Variants in GRIA4 observed in about 807,000 individuals in gnomAD.
GRIA4 encodes the protein glutamate ionotropic receptor AMPA type subunit 4, also known as glutamate receptor 4.
In GRIA4, 34 loss-of-function variants were observed where a neutral mutation model predicts 104.0. The ratio of observed to expected loss-of-function variants is 0.33; its 90% CI spans 0.25 to 0.44. The LOEUF is 0.44. Ranked by LOEUF, GRIA4 falls within the 20% of genes least tolerant of loss-of-function variation. The pLI, the probability that GRIA4 is intolerant of heterozygous loss-of-function variation, is 1.00. For missense variants in GRIA4, 750 were observed against 1,096.5 expected, an observed-to-expected ratio of 0.68 and a Z score of 4.46; for synonymous variants, 386 against 381.9, an observed-to-expected ratio of 1.01 and a Z score of -0.13.
At chr11:105,754,614 T>C (rs540379273) in intron 4 of GRIA4, among the ~76,000 whole-genome samples, 1 of 152,318 alleles carries the variant, frequency 6.6e-6, no homozygotes, top group Admixed American at 6.5e-5. Context: ...CAATGGTTGA[T>C]ATAGCTTTAT....
At chr11:105,978,390 A>G (rs1297865822) in intron 16 of GRIA4, among the ~76,000 whole-genome samples, 1 of 152,154 alleles carries the variant, frequency 6.6e-6, no homozygotes, top group African/African-American at 2.4e-5. Context: ...ATAAGTATTA[A>G]TTTTTAAGAC....
intron 5 of GRIA4, among the ~76,000 whole-genome samples, chr11:105,883,775 C>A (rs1946153288): frequency 6.6e-6 from 1 of 152,076 alleles, no homozygotes; most frequent in Non-Finnish European, 1.5e-5. Flanking sequence ...GATTTATAAT[C>A]CTTTGGGTAT....
chr11:105,976,937 T>G (rs1342644297), intron 16 of GRIA4, among the ~76,000 whole-genome samples: 1 of 151,956 alleles, frequency 6.6e-6, no homozygotes, highest in Non-Finnish European at 1.5e-5. Flanking sequence ...AAGTCAAAGT[T>G]TTATTAAGTA....
intron 14 of GRIA4, among the ~76,000 whole-genome samples, chr11:105,940,315 T>C (rs367886986): frequency 6.6e-5 from 10 of 151,920 alleles, no homozygotes; most frequent in South Asian, 2.1e-4. Context: ...TGAGCCAAGA[T>C]TGCACCACTG....
rs139135168 is a variant in GRIA4, at chr11:105,851,392, C to T, written c.488-10632C>T. 6.4e-4 allele frequency among the ~76,000 whole-genome samples: 98 copies of T among 152,176 alleles called. 1 individual carries two copies. The highest frequency in any genetic ancestry group is 1.1e-3 in the Non-Finnish European group (72 of 68,016). ...ACATCCCTGAGGTTAGTGACAGGCACGCTGTATACTTAATACTTTCCAAAG... is the reference window on the plus strand; with the variant it reads ...ACATCCCTGAGGTTAGTGACAGGCATGCTGTATACTTAATACTTTCCAAAG... On this transcript the variant is annotated intron_variant, in intron 4 of 16. Transcript: ENST00000282499.
At chr11:105,918,985 T>C in intron 11 of GRIA4, 67 bp downstream of exon 11, 1 of 916,050 alleles carries the variant, frequency 1.1e-6, no homozygotes, top group African/African-American at 1.6e-5. Flanking sequence ...CTTGGGCACA[T>C]AACAATTTTT....
intron 13 of GRIA4, among the ~76,000 whole-genome samples, chr11:105,928,929 C>G (rs1485299411): frequency 6.6e-6 from 1 of 152,042 alleles, no homozygotes; most frequent in African/African-American, 2.4e-5. Context: ...TTATAGTCTT[C>G]CATACAAACT....
intron 13 of GRIA4, among the ~76,000 whole-genome samples, chr11:105,927,765 A>G (rs532338745): frequency 1.5e-4 from 22 of 149,774 alleles, no homozygotes; most frequent in African/African-American, 5.6e-4. Context: ...GTAATGTCTG[A>G]TAACAGATAG....
intron 3 of GRIA4, among the ~76,000 whole-genome samples, chr11:105,676,544 A>T (rs1488128394): frequency 1.3e-5 from 2 of 151,792 alleles, no homozygotes; most frequent in Non-Finnish European, 3.0e-5. Context: ...CACTATATCT[A>T]TAAGGTATGT....
chr11:105,793,133 C>T (rs1007122482), intron 4 of GRIA4, among the ~76,000 whole-genome samples: 1 of 152,082 alleles, frequency 6.6e-6, no homozygotes, highest in African/African-American at 2.4e-5. Flanking sequence ...TAGAGAACTA[C>T]CAAATGCTGA....
chr11:105,916,362 TGAA>T (rs893468096), intron 10 of GRIA4, among the ~76,000 whole-genome samples: 13 of 152,140 alleles, frequency 8.5e-5, no homozygotes, highest in African/African-American at 3.1e-4. Context: ...TGAAAAGACA[TGAA>T]GAACTTTACA....
At chr11:105,611,155 T>C (rs1361261218) in intron 2 of GRIA4, 70 bp downstream of exon 2, 15 of 1,085,376 alleles carry the variant, frequency 1.4e-5, no homozygotes, top group Middle Eastern at 2.2e-4. Context: ...GTTAAATGAG[T>C]TGCTGATAAG....
chr11:105,623,461 G>A (rs543510509), intron 3 of GRIA4, among the ~76,000 whole-genome samples: 1 of 151,900 alleles, frequency 6.6e-6, no homozygotes, highest in African/African-American at 2.4e-5. Context: ...ACTTTTCATT[G>A]CTTTAGAATA....
At chr11:105,906,638 T>C (rs1339738032) in intron 9 of GRIA4, among the ~76,000 whole-genome samples, 1 of 152,142 alleles carries the variant, frequency 6.6e-6, no homozygotes, top group Non-Finnish European at 1.5e-5. Context: ...GGCATAGCCC[T>C]CGTGCAGGCT....
chr11:105,950,861 G>A (rs961462495), intron 14 of GRIA4, among the ~76,000 whole-genome samples: 4 of 152,066 alleles, frequency 2.6e-5, no homozygotes, highest in Admixed American at 2.6e-4. Flanking sequence ...AGCCATAGAA[G>A]GATGAATATA....
rs557745125 is a variant in GRIA4 at position 105,632,572 on chromosome 11, T to G, written c.247+20138T>G. Among the ~76,000 whole-genome samples the G allele has an allele frequency of 3.3e-5, 5 of 152,272 alleles. No homozygotes were observed. The South Asian group carries it at 8.3e-4, about 25-fold the overall frequency. ...GAGTTTCAGAGTCTAAGTTATAAAT[T>G]AATGGGAATGACAACTTGCCTTGAT... is the stretch of plus-strand genomic sequence containing the variant. On this transcript the variant is annotated intron_variant, in intron 3 of 16. Transcript: ENST00000282499.
chr11:105,940,326 C>T (rs879374531), intron 14 of GRIA4, among the ~76,000 whole-genome samples: 8 of 152,080 alleles, frequency 5.3e-5, no homozygotes, highest in Non-Finnish European at 1.0e-4. Flanking sequence ...TGCACCACTG[C>T]ACTCCAGCCT....
intron 14 of GRIA4, among the ~76,000 whole-genome samples, chr11:105,958,855 T>A (rs1948660468): frequency 6.6e-6 from 1 of 152,226 alleles, no homozygotes; most frequent in African/African-American, 2.4e-5. Flanking sequence ...ATTATATTTT[T>A]CCTTCACTTA....
intron 3 of GRIA4, among the ~76,000 whole-genome samples, chr11:105,687,372 T>G (rs1161217375): frequency 6.6e-6 from 1 of 152,190 alleles, no homozygotes; most frequent in African/African-American, 2.4e-5. Flanking sequence ...AATTGCCTAG[T>G]GCTCCTATGT....
Sources: allele counts gnomAD v4.1 joint callset (sites outside exome capture counted in the v4.1 genomes callset), GRCh38; gene constraint gnomAD v4.1.1; transcripts MANE v1.5; gene names NCBI Gene and HGNC (gene_info 2026-07-23, HGNC 2026-07-21).